PPP2CB: variants seen among roughly 807,000 people sequenced by gnomAD.
PPP2CB encodes the protein serine/threonine-protein phosphatase 2A catalytic subunit beta isoform.
Under a neutral mutation model 39.1 loss-of-function variants are expected in PPP2CB, and 18 were observed. The ratio of observed to expected loss-of-function variants is 0.46; its 90% confidence interval spans 0.32 to 0.68. The LOEUF (loss-of-function observed/expected upper bound fraction) is 0.68, where lower values mean the gene tolerates loss of function less well. PPP2CB is among the 30% of genes least tolerant of loss of function. The pLI is 0.04. For synonymous variants in PPP2CB, 129 were observed against 133.8 expected (o/e 0.96, Z 0.25); for missense variants, 226 against 396.9 (o/e 0.57, Z 3.66).
intron 3 of PPP2CB, 169 bp from the exon 4 acceptor site, chr8:30,794,450 C>A: frequency 5.5e-6 from 3 of 550,442 alleles, no homozygotes; most frequent in South Asian, 5.9e-5. Flanking sequence ...TATCCCCATC[C>A]TTGGGGACCC....
At chr8:30,798,121 T>C (rs1472558572) in intron 2 of PPP2CB, among the ~76,000 whole-genome samples, 1 of 152,196 alleles carries the variant, frequency 6.6e-6, no homozygotes, top group Non-Finnish European at 1.5e-5. Flanking sequence ...GCTGAATGAG[T>C]AGTGAAAATC....
intron 6 of PPP2CB, chr8:30,790,908 G>A (rs1563575025): frequency 1.2e-5 from 3 of 252,548 alleles, no homozygotes; most frequent in Non-Finnish European, 2.2e-5. Context: ...GGAGGAGTTG[G>A]AGGGGGCAAG....
chr8:30,789,997 G>C (rs1369114313), intron 6 of PPP2CB, among the ~76,000 whole-genome samples: 1 of 152,102 alleles, frequency 6.6e-6, no homozygotes. Context: ...GCTTCACACA[G>C]CATTCTCCCC....
At chr8:30,799,078 G>A (rs773516097) in intron 2 of PPP2CB, among the ~76,000 whole-genome samples, 1 of 152,176 alleles carries the variant, frequency 6.6e-6, no homozygotes, top group African/African-American at 2.4e-5. Flanking sequence ...GCAATCAACA[G>A]GAAGTAACAA....
chr8:30,795,637 C>A (rs2128761087), intron 3 of PPP2CB, among the ~76,000 whole-genome samples: 1 of 152,214 alleles, frequency 6.6e-6, no homozygotes, highest in South Asian at 2.1e-4. Context: ...CATCTTTTCC[C>A]AAGTTCTAGA....
At chr8:30,808,236 C>T (rs1470715542) in intron 1 of PPP2CB, among the ~76,000 whole-genome samples, 1 of 151,976 alleles carries the variant, frequency 6.6e-6, no homozygotes, top group Non-Finnish European at 1.5e-5. Flanking sequence ...GTAGCTGGGA[C>T]TACAGGCACA....
intron 6 of PPP2CB, among the ~76,000 whole-genome samples, chr8:30,787,309 T>C (rs984003848): frequency 3.3e-5 from 5 of 152,166 alleles, no homozygotes; most frequent in Non-Finnish European, 7.3e-5. Context: ...TCCTCTTCTG[T>C]TTTTTGGAAG....
intron 1 of PPP2CB, among the ~76,000 whole-genome samples, chr8:30,805,198 T>A (rs1455715978): frequency 6.6e-6 from 1 of 152,226 alleles, no homozygotes; most frequent in Admixed American, 6.5e-5. Flanking sequence ...TGAGCTCTCA[T>A]CATCCAGGAC....
chr8:30,807,507 A>G (rs2128762733), intron 1 of PPP2CB, among the ~76,000 whole-genome samples: 1 of 152,334 alleles, frequency 6.6e-6, no homozygotes, highest in African/African-American at 2.4e-5. Context: ...TAAAATTTAC[A>G]TATTTATACT....
At chr8:30,792,511 A>C (rs531850797) in intron 5 of PPP2CB, among the ~76,000 whole-genome samples, 114 of 151,936 alleles carry the variant, frequency 7.5e-4, no homozygotes, top group African/African-American at 2.1e-3. Context: ...CGGTACGATC[A>C]TAGCTCACTG....
At chr8:30,793,173 A>T (rs1806465603) in intron 5 of PPP2CB, 1 of 152,122 alleles carries the variant, frequency 6.6e-6, no homozygotes, top group South Asian at 2.1e-4. Flanking sequence ...TGACTGCCAA[A>T]AATGCATACA....
intron 3 of PPP2CB, 44 bp downstream of exon 3, chr8:30,797,537 C>T (rs1241260965): frequency 6.6e-7 from 1 of 1,520,868 alleles, no homozygotes; most frequent in African/African-American, 1.4e-5. Context: ...TCAATCTCTG[C>T]TTCCATTTAC....
At chr8:30,809,758 C>G (rs946011274) in intron 1 of PPP2CB, among the ~76,000 whole-genome samples, 2 of 151,842 alleles carry the variant, frequency 1.3e-5, no homozygotes, top group South Asian at 4.2e-4. Context: ...CTGGGCAACA[C>G]GGTGAGACCC....
intron 2 of PPP2CB, among the ~76,000 whole-genome samples, chr8:30,798,967 T>C: frequency 6.6e-6 from 1 of 152,162 alleles, no homozygotes; most frequent in East Asian, 1.9e-4. Context: ...GAAACTTTGA[T>C]TTGAGCCAGA....
intron 1 of PPP2CB, among the ~76,000 whole-genome samples, chr8:30,800,719 C>T (rs555018739): frequency 1.3e-5 from 2 of 152,296 alleles, no homozygotes; most frequent in African/African-American, 4.8e-5. Context: ...AAAAATGTAT[C>T]TAACCCACCA....
chr8:30,788,435 A>T (rs964343256), intron 6 of PPP2CB, among the ~76,000 whole-genome samples: 1 of 151,786 alleles, frequency 6.6e-6, no homozygotes, highest in African/African-American at 2.4e-5. Context: ...GCTAATTTTT[A>T]AATTTTTTTG....
intron 6 of PPP2CB, 63 bp from the exon 7 acceptor site, chr8:30,786,370 A>C: frequency 2.2e-6 from 3 of 1,343,998 alleles, no homozygotes; most frequent in Non-Finnish European, 3.1e-6. Flanking sequence ...CAAATGAATA[A>C]AGAACAAGAC....
chr8:30,799,940 CAT>C (rs1299421403), intron 1 of PPP2CB, among the ~76,000 whole-genome samples, 185 bp from the exon 2 acceptor site: 4 of 152,170 alleles, frequency 2.6e-5, no homozygotes, highest in East Asian at 1.9e-4. Flanking sequence ...GTGTTGCAAA[CAT>C]GTGGATAAAC....
At chr8:30,794,318 T>C in intron 3 of PPP2CB, 37 bp from the exon 4 acceptor site, 1 of 1,515,756 alleles carries the variant, frequency 6.6e-7, no homozygotes, top group Admixed American at 1.7e-5. Context: ...GTATTTGTTT[T>C]ACTAACTCCA....
Sources: gnomAD v4.1 joint callset for allele counts (sites outside exome capture counted in the v4.1 genomes callset) on GRCh38, gnomAD v4.1.1 for gene constraint, MANE v1.5 for transcripts, NCBI Gene and HGNC (gene_info 2026-07-23, HGNC 2026-07-21) for gene names.